GOLGA8M: variants seen among roughly 807,000 people sequenced by gnomAD.
GOLGA8M encodes golgin subfamily A member 8M.
A neutral mutation model predicts 87.7 loss-of-function variants in GOLGA8M; 34 were observed. The observed-to-expected ratio is 0.39, with a 90% CI of 0.29 to 0.52. The LOEUF is 0.52. Ranked by LOEUF, GOLGA8M falls within the 20% of genes least tolerant of loss-of-function variation. The probability of loss-of-function intolerance (pLI) is 0.80; values close to 1 mark genes in which losing one functional copy is unlikely to be tolerated. For missense variants in GOLGA8M, 396 were observed against 682.2 expected (o/e 0.58, Z 4.67); for synonymous variants, 138 against 250.2 (o/e 0.55, Z 4.23).
chr15:28,706,881 T>C lies in GOLGA8M; in HGVS notation c.592-182A>G, dbSNP rs1236957004. Among the ~76,000 whole-genome samples, 18 of 143,572 alleles carry C rather than the reference T, an allele frequency of 1.3e-4. 2 individuals are homozygous for C. Among genetic ancestry groups the C allele is most frequent in the East Asian group, 6.7e-4 (2 of 2,996 alleles). 94.2% of individuals were successfully genotyped at this position (143,572 alleles called of 152,430 possible). A position where few individuals can be genotyped will look rare whatever the true frequency, so the allele number is the denominator to read the frequency against. ...AAGTTGGAACGGACAGGGAATGAGA[T>C]TGAGTTTATAGCTGGCTAACAGAGG... On this transcript the variant is annotated intron_variant, in intron 8 of 18. Transcript: ENST00000563027.
chr15:28,701,082 A>G lies in GOLGA8M; in HGVS notation c.*872T>C, dbSNP rs2079773349. On this transcript the variant is annotated 3_prime_UTR_variant, in exon 19 of 19. Coordinates refer to ENST00000563027, the MANE Select transcript of GOLGA8M (RefSeq NM_001282468.3). The stretch of plus-strand genomic sequence containing the variant: ...AGATACAAATGCTCTAAGCTAGGAA[A>G]GGTTTTCCACATCCACAGTCAACGA... Among the ~76,000 whole-genome samples the G allele has an allele frequency of 6.6e-6, 1 of 152,156 alleles. No homozygotes were observed. Among genetic ancestry groups the G allele is most frequent in the African/African-American group, 2.4e-5 (1 of 41,426 alleles).
chr15:28,711,864 G>A (rs1217836785), intron 1 of GOLGA8M: 1 of 984,860 alleles, frequency 1.0e-6, no homozygotes, highest in Non-Finnish European at 1.2e-6. Context: ...TCGACCTTGA[G>A]GCAGCAGGAG....
chr15:28,706,738 C>T, intron 8 of GOLGA8M, 39 bp from the exon 9 acceptor site: 2 of 1,447,250 alleles, frequency 1.4e-6, no homozygotes, highest in Non-Finnish European at 1.9e-6. Context: ...TCTGGAGAGC[C>T]TGGGCATTTC....
At position 28,703,111 on chromosome 15, in the gene GOLGA8M, T is replaced by C. The variant is rs1207978116; in HGVS notation, c.1368+208A>G. Among the ~76,000 whole-genome samples, 36 of 133,554 alleles carry C rather than the reference T, an allele frequency of 2.7e-4. 5 individuals carry two copies. Among genetic ancestry groups the C allele is most frequent in the South Asian group, 4.8e-4 (2 of 4,194 alleles). The allele number at this position is 133,554 out of a possible 152,430, so 87.6% of individuals were successfully genotyped here. A position where few individuals can be genotyped will look rare whatever the true frequency, so the allele number is the denominator to read the frequency against. On this transcript the variant is annotated intron_variant, in intron 15 of 18. Transcript: ENST00000563027. ...CTTCTAGGGGCATACACAGAACAAA[T>C]GGGGCAGAGAGGTGGAGCGCAGCCC...
chr15:28,707,429 G>A (rs1471785722), intron 8 of GOLGA8M, among the ~76,000 whole-genome samples: 2 of 143,954 alleles, frequency 1.4e-5, no homozygotes, highest in African/African-American at 5.3e-5. Context: ...ACATACTAAA[G>A]GTACTCTTCT....
rs1243439694 is a variant in GOLGA8M at position 28,708,112 on chromosome 15, C to T, written c.396+14G>A. On this transcript the variant is annotated intron_variant, in intron 6 of 18. Coordinates refer to ENST00000563027, the MANE Select transcript of GOLGA8M (RefSeq NM_001282468.3). ...CTCCGGAGGACAGGAGGAAACTGCACACCCTCCACTCACCTCTAGCACCCT... is the reference window on the plus strand; with the variant it reads ...CTCCGGAGGACAGGAGGAAACTGCATACCCTCCACTCACCTCTAGCACCCT... The T allele has an allele frequency of 6.2e-7, 1 of 1,602,268 alleles. No homozygotes were observed. The highest frequency in any genetic ancestry group is 8.5e-7 in the Non-Finnish European group (1 of 1,175,734).
Position 28,705,734 on chromosome 15 carries a change from G to A in GOLGA8M, c.880C>T (p.Pro294Ser), listed in dbSNP as rs773954250. Residue 294 changes from proline (P) to serine (S), a missense_variant, in exon 12 of 19, where the codon CCC (proline) becomes TCC (serine). Transcript: ENST00000563027. ...LSKLKNQMAE[P>S]LPPEPPAVPS... ...ACTGCTGGGGGCTCCGGGGGCAAGG[G>A]TTCAGCTGAGAAAGGAAGCAGACAA... The A allele has an allele frequency of 2.7e-5, 43 of 1,566,356 alleles. 3 individuals carry two copies. In the South Asian group the frequency reaches 4.0e-4, roughly 15 times the overall value.
chr15:28,704,315 A>T (rs1037913949), intron 13 of GOLGA8M, among the ~76,000 whole-genome samples: 2 of 147,472 alleles, frequency 1.4e-5, no homozygotes, highest in Non-Finnish European at 2.9e-5. Context: ...TTAATAGGGT[A>T]GCGAGGGCAC....
chr15:28,712,567 A>C (rs559047468), upstream of GOLGA8M, among the ~76,000 whole-genome samples: 1 of 148,078 alleles, frequency 6.8e-6, no homozygotes, highest in Admixed American at 7.0e-5. Flanking sequence ...CCTGTGGCTC[A>C]CAAGGAAAGC....
At position 28,705,165 on chromosome 15, in the gene GOLGA8M, A is replaced by G; in HGVS notation, c.1194T>C (p.Leu398=). The G allele has an allele frequency of 6.3e-7, 1 of 1,597,918 alleles. No individual in the cohort carries two copies. The highest frequency in any genetic ancestry group is 8.5e-7 in the Non-Finnish European group (1 of 1,179,448). ...EQQVKELQEK[L]GEEHLEAASQ... is the part of the protein sequence containing the mutation. ...AGGTTTCCGACTCCTTCACCTCGCC[A>G]AGCTTCTCCTGTAGCTCCTTTACTT... The change falls in exon 13 of 19, where the codon CTT becomes CTC. Residue 398 remains leucine, a synonymous_variant. Coordinates refer to ENST00000563027, the MANE Select transcript of GOLGA8M (RefSeq NM_001282468.3).
intron 1 of GOLGA8M, chr15:28,711,689 C>T (rs376837352): frequency 1.3e-4 from 128 of 984,584 alleles, no homozygotes; most frequent in African/African-American, 4.5e-4. Flanking sequence ...CTTGCAGTAA[C>T]GGCAGTTACT....
chr15:28,712,892 T>C (rs1301944225), upstream of GOLGA8M, among the ~76,000 whole-genome samples: 1 of 151,970 alleles, frequency 6.6e-6, no homozygotes, highest in African/African-American at 2.4e-5. Context: ...GCATGCTTGA[T>C]GATTAATGAA....
rs1057314628 is a variant in GOLGA8M, at chr15:28,698,676, A to G, written c.*3278T>C. On this transcript the variant is annotated 3_prime_UTR_variant, in exon 19 of 19. Transcript: ENST00000563027. ...TTGTAAAAATGAAACACATTATCTC[A>G]TGCCAAGCATGCCCAGCATTTGCAC... is the stretch of plus-strand genomic sequence containing the variant. Among the ~76,000 whole-genome samples, 218 of 145,974 alleles carry G rather than the reference A, an allele frequency of 1.5e-3. 15 individuals carry two copies. The highest frequency in any genetic ancestry group is 0.012 in the East Asian group (60 of 5,010).
intron 1 of GOLGA8M, 131 bp downstream of exon 1, chr15:28,712,145 G>A: frequency 2.0e-6 from 3 of 1,535,716 alleles, no homozygotes; most frequent in South Asian, 1.2e-5. Context: ...TTTGATGGGG[G>A]TAGCCCAAGG....
rs1048883362 is a variant in GOLGA8M at position 28,701,678 on chromosome 15, G to A, written c.*276C>T. ...CTTTGTGTGTTTGAACTTCCACCAC[G>A]TAAGGGCAAACTCGATATGCATGCT... On this transcript the variant is annotated 3_prime_UTR_variant, in exon 19 of 19. Transcript: ENST00000563027. 7.2e-5 allele frequency among the ~76,000 whole-genome samples: 11 copies of A among 152,046 alleles called. No homozygotes were observed. The highest frequency in any genetic ancestry group is 1.7e-4 in the African/African-American group (7 of 41,376).
rs1251782250 is a variant in GOLGA8M at position 28,700,897 on chromosome 15, C to CT, written c.*1056dup. On this transcript the variant is annotated 3_prime_UTR_variant, in exon 19 of 19. Transcript: ENST00000563027. ...ACTCTAATTCATTCTTGACTAGAGC[C>CT]TGTATGCCTGTTCCAGGGACGTTTG... Among the ~76,000 whole-genome samples the CT allele has an allele frequency of 6.6e-6, 1 of 152,038 alleles. No individual in the cohort carries two copies.
Position 28,707,973 on chromosome 15 carries a change from C to A in GOLGA8M, c.461G>T (p.Arg154Leu). 1.3e-6 allele frequency: 2 copies of A among 1,596,410 alleles called. No homozygotes were observed. Among genetic ancestry groups the A allele is most frequent in the Non-Finnish European group, 1.7e-6 (2 of 1,178,618 alleles). Residue 154 changes from arginine to leucine, a missense_variant, in exon 7 of 19, where the codon CGT becomes CTT. By Grantham distance (102) the Arg-to-Leu change is moderately radical (BLOSUM62 -2). This residue lies in a region of GOLGA8M where 80 missense variants were observed against 119.9 expected (regional missense o/e 0.67). Coordinates refer to ENST00000563027, the MANE Select transcript of GOLGA8M (RefSeq NM_001282468.3). ...ELNTDLYHMKRSLRYFEEKSK... is the reference protein window; with the variant it reads ...ELNTDLYHMKLSLRYFEEKSK... ...CCCACCTTCAAAGTATCTGAGAGAA[C>A]GTTTCATGTGGTACAGGTCCGTATT...
At position 28,702,235 on chromosome 15, in the gene GOLGA8M, C is replaced by T. The variant is rs765396597; in HGVS notation, c.1702G>A (p.Gly568Arg). Residue 568 changes from glycine to arginine, a missense_variant, in exon 18 of 19, where the codon GGG (glycine) becomes AGG (arginine). Around this residue, in one of 12 missense-constraint regions of GOLGA8M, gnomAD observed 173 missense variants for 150.2 expected, o/e 1.15. Transcript: ENST00000563027. The part of the protein sequence containing the change: ...GPGAPAPQEL[G>R]AADKHGDLCE... Reference sequence around the variant, plus strand: ...TCACCACCATGCTTGTCTGCAGCCCCAAGCTCCTGGGGAGCTGGGGCTCCT... The same window carrying T: ...TCACCACCATGCTTGTCTGCAGCCCTAAGCTCCTGGGGAGCTGGGGCTCCT... 55 of 1,588,036 alleles carry T rather than the reference C, an allele frequency of 3.5e-5. 1 individual carries two copies. The African/African-American group carries it at 6.3e-4, about 18-fold the overall frequency.
intron 1 of GOLGA8M, chr15:28,711,799 G>A: frequency 1.0e-6 from 1 of 983,158 alleles, no homozygotes; most frequent in Non-Finnish European, 1.2e-6. Context: ...GGGGAGGGAA[G>A]CACAGGGTTG....
Sources: allele counts gnomAD v4.1 joint callset (sites outside exome capture counted in the v4.1 genomes callset), GRCh38; gene constraint gnomAD v4.1.1; regional missense constraint gnomAD v4.1.1; transcripts MANE v1.5; gene names NCBI Gene and HGNC (gene_info 2026-07-23, HGNC 2026-07-21).